CD8B: variants seen among roughly 807,000 people sequenced by gnomAD.
CD8B encodes the protein CD8 subunit beta, also known as T-cell surface glycoprotein CD8 beta chain.
A neutral mutation model predicts 24.2 loss-of-function variants in CD8B; 6 were observed. That is an observed-to-expected ratio of 0.25 (90% CI 0.14 to 0.49). The LOEUF (loss-of-function observed/expected upper bound fraction) is 0.49. CD8B is among the 20% of genes least tolerant of loss of function. CD8B has a pLI of 0.98. For synonymous variants in CD8B, 84 were observed against 108.3 expected, an observed-to-expected ratio of 0.78 and a Z score of 1.39; for missense variants, 196 against 271.3, an observed-to-expected ratio of 0.72 and a Z score of 1.95.
intron 3 of CD8B, among the ~76,000 whole-genome samples, chr2:86,851,321 T>A (rs529181845): frequency 6.6e-6 from 1 of 152,184 alleles, no homozygotes; most frequent in East Asian, 1.9e-4. Flanking sequence ...CAACTTGGGG[T>A]CTTCCCTTTG....
intron 5 of CD8B, among the ~76,000 whole-genome samples, chr2:86,842,685 C>T (rs992208249): frequency 2.5e-4 from 38 of 152,270 alleles, no homozygotes; most frequent in African/African-American, 8.9e-4. Flanking sequence ...TACCTCAAAT[C>T]GCAACTCAGA....
intron 5 of CD8B, among the ~76,000 whole-genome samples, chr2:86,832,803 G>A (rs1674954029): frequency 6.6e-6 from 1 of 152,040 alleles, no homozygotes; most frequent in Non-Finnish European, 1.5e-5. Context: ...TTAACAGACA[G>A]GTTAATAAAA....
intron 5 of CD8B, among the ~76,000 whole-genome samples, chr2:86,828,683 C>A (rs1381675888): frequency 1.3e-5 from 2 of 152,116 alleles, no homozygotes; most frequent in Admixed American, 1.3e-4. Context: ...TTATCAAAAT[C>A]ATGTGCCTTT....
chr2:86,856,328 G>T (rs944833572), intron 2 of CD8B, among the ~76,000 whole-genome samples: 1 of 152,132 alleles, frequency 6.6e-6, no homozygotes, highest in African/African-American at 2.4e-5. Context: ...TCTCATGAGT[G>T]GAAAGGTGTG....
intron 2 of CD8B, among the ~76,000 whole-genome samples, chr2:86,855,743 T>C (rs1444108987): frequency 6.6e-6 from 1 of 152,078 alleles, no homozygotes; most frequent in Non-Finnish European, 1.5e-5. Flanking sequence ...AGTAGTTCTG[T>C]TTGACTTATT....
chr2:86,850,811 C>A (rs145698240), intron 3 of CD8B, among the ~76,000 whole-genome samples: 2 of 152,146 alleles, frequency 1.3e-5, no homozygotes, highest in East Asian at 3.9e-4. Context: ...ATGCAAGAGG[C>A]CAGGCGTAGT....
Position 86,821,677 on chromosome 2 carries a change from G to T in CD8B, c.621-5959C>A, listed in dbSNP as rs868575852. 6 of 411,722 alleles carry T rather than the reference G, an allele frequency of 1.5e-5. No individual in the cohort carries two copies. In the Middle Eastern group the frequency reaches 2.1e-3, roughly 142 times the overall value. 25.5% of individuals were successfully genotyped at this position (411,722 alleles called of 1,614,324 possible). On this transcript the variant is annotated intron_variant, in intron 5 of 5. Transcript: ENST00000331469. ...GAGGCATTGTTTTTAACCCAGTGTGGACCCCCAAATGGAACATTTTCCTTC... is the reference window on the plus strand; with the variant it reads ...GAGGCATTGTTTTTAACCCAGTGTGTACCCCCAAATGGAACATTTTCCTTC...
In CD8B at chr2:86,845,275, A is replaced by G. The variant is rs1573513592; in HGVS notation, c.584-317T>C. On this transcript the variant is annotated intron_variant, in intron 4 of 5. Transcript: ENST00000390655. ...AATTCAAACTCAATTAGTCAGCTGCAGAGTCTGTGTCCTTAAACACACCTG... is the reference window on the plus strand; with the variant it reads ...AATTCAAACTCAATTAGTCAGCTGCGGAGTCTGTGTCCTTAAACACACCTG... Among the ~76,000 whole-genome samples the G allele has an allele frequency of 2.0e-5, 3 of 152,348 alleles. No homozygotes were observed. The South Asian group carries it at 6.2e-4, about 32-fold the overall frequency.
At chr2:86,825,174 C>G (rs920216513) in intron 5 of CD8B, among the ~76,000 whole-genome samples, 2 of 152,124 alleles carry the variant, frequency 1.3e-5, no homozygotes, top group Admixed American at 1.3e-4. Context: ...TTCTGTCCCA[C>G]GCAGCTTGGG....
chr2:86,815,610 T>C, exon 6 of CD8B: 1 of 1,588,664 alleles, frequency 6.3e-7, no homozygotes, highest in Non-Finnish European at 8.6e-7. Context: ...TTCTTGCCTA[T>C]GTTTTCAGGA....
intron 5 of CD8B, among the ~76,000 whole-genome samples, chr2:86,827,303 T>C (rs373726653): frequency 1.5e-4 from 23 of 150,674 alleles, no homozygotes; most frequent in African/African-American, 5.6e-4. Context: ...GCCCTGAGAG[T>C]TCGGGTTTTA....
chr2:86,857,956 C>G, intron 2 of CD8B, 101 bp downstream of exon 2: 1 of 1,237,902 alleles, frequency 8.1e-7, no homozygotes, highest in Non-Finnish European at 1.2e-6. Flanking sequence ...CCATTAGTCA[C>G]GGCTGCAGAG....
intron 3 of CD8B, among the ~76,000 whole-genome samples, chr2:86,851,648 A>G (rs936916718): frequency 1.3e-5 from 2 of 152,160 alleles, no homozygotes; most frequent in African/African-American, 4.8e-5. Flanking sequence ...AATATTTAAG[A>G]CAAAGCAAAC....
intron 5 of CD8B, among the ~76,000 whole-genome samples, chr2:86,817,359 C>A (rs1558745428): frequency 6.6e-6 from 1 of 151,906 alleles, no homozygotes; most frequent in Non-Finnish European, 1.5e-5. Context: ...GCACAAACAA[C>A]AGAAATTGGA....
rs185915909 is a variant in CD8B at position 86,841,458 on chromosome 2, G to A, written c.*849C>T. ...TAGGACTCTCCACACCTACAACGTCGGGCAAATGAGGATCTCAGGTGCAAA... is the reference window on the plus strand; with the variant it reads ...TAGGACTCTCCACACCTACAACGTCAGGCAAATGAGGATCTCAGGTGCAAA... On this transcript the variant is annotated 3_prime_UTR_variant, in exon 6 of 6. Transcript: ENST00000390655. 148 of 517,382 alleles carry A rather than the reference G, an allele frequency of 2.9e-4. No individual in the cohort carries two copies. The highest frequency in any genetic ancestry group is 3.0e-4 in the East Asian group (2 of 6,600). The allele number at this position is 517,382 out of a possible 1,614,324, so 32.0% of individuals were successfully genotyped here.
chr2:86,833,540 TCCCGTCCGCTCTCCTCCC>T (rs1368542398), downstream of CD8B, among the ~76,000 whole-genome samples: 193 of 71,714 alleles, frequency 2.7e-3, 3 homozygotes, highest in African/African-American at 9.8e-3. Flanking sequence ...TCTCCTCCCC[TCCCGTCCGCTCTCCTCCC>T]CTCCCCTCTC....
At chr2:86,833,691 T>A (rs1466512391), downstream of CD8B, among the ~76,000 whole-genome samples, 90 of 137,508 alleles carry the variant, frequency 6.5e-4, no homozygotes, top group African/African-American at 2.3e-3. Flanking sequence ...GGACAGAGCC[T>A]TGCTCTGTTG....
intron 5 of CD8B, among the ~76,000 whole-genome samples, chr2:86,820,022 G>A (rs6710361): frequency 0.3 from 45,849 of 152,134 alleles, 8,432 homozygotes; most frequent in African/African-American, 0.51. Context: ...GAGAACTAGA[G>A]ATAGAAGTGG....
In CD8B at chr2:86,846,766, A is replaced by G. The variant is rs1412914606; in HGVS notation, c.501T>C (p.Leu167=). ...GCAGGCCAAGGGTGATGGGGCTACAAAGTGGGCCTGGAAAACACACATGTG... is the reference window on the plus strand; with the variant it reads ...GCAGGCCAAGGGTGATGGGGCTACAGAGTGGGCCTGGAAAACACACATGTG... ...LPRPETQKGP[L]CSPITLGLLV... The change falls in exon 4 of 6, where the codon CTT becomes CTC. Residue 167 remains leucine, a synonymous_variant. Transcript: ENST00000390655. The G allele has an allele frequency of 1.3e-6, 2 of 1,576,386 alleles. No homozygotes were observed. The highest frequency in any genetic ancestry group is 8.6e-7 in the Non-Finnish European group (1 of 1,159,838).
Sources: gnomAD v4.1 joint callset for allele counts (sites outside exome capture counted in the v4.1 genomes callset) on GRCh38, gnomAD v4.1.1 for gene constraint, MANE v1.5 for transcripts, NCBI Gene and HGNC (gene_info 2026-07-23, HGNC 2026-07-21) for gene names.